BBS9: variants seen among roughly 807,000 people sequenced by gnomAD.
BBS9 encodes the protein Bardet-Biedl syndrome 9.
BBS9 carries 89 observed loss-of-function variants against 117.7 expected under a neutral mutation model. The ratio of observed to expected loss-of-function variants is 0.76; its 90% CI spans 0.64 to 0.90. The LOEUF is 0.90. Among genes scored for constraint, BBS9 ranks in the 40% least tolerant of loss-of-function variants. The pLI is 0.00. For synonymous variants in BBS9, 379 were observed against 370.9 expected (o/e 1.02, Z -0.25); for missense variants, 982 against 1,042.2 (o/e 0.94, Z 0.80).
chr7:33,370,430 A>T (rs370833772), intron 17 of BBS9, among the ~76,000 whole-genome samples: 2 of 152,184 alleles, frequency 1.3e-5, no homozygotes, highest in Non-Finnish European at 2.9e-5. Context: ...AGATTGCACT[A>T]CTGCACTCCA....
chr7:33,272,285 C>T lies in BBS9; in HGVS notation c.703-727C>T, dbSNP rs149054911. 3.2e-3 allele frequency among the ~76,000 whole-genome samples: 493 copies of T among 152,226 alleles called. 3 individuals are homozygous for T. Among genetic ancestry groups the T allele is most frequent in the African/African-American group, 0.011 (457 of 41,546 alleles). ...TACCTGGGTGATAAAATAATCTATACGCCAAACCTCTGTGAAATGAATTTA... is the reference window on the plus strand; with the variant it reads ...TACCTGGGTGATAAAATAATCTATATGCCAAACCTCTGTGAAATGAATTTA... On this transcript the variant is annotated intron_variant, in intron 7 of 22. Coordinates refer to ENST00000242067, the MANE Select transcript of BBS9 (RefSeq NM_198428.3).
chr7:33,384,231 A>C (rs1188997615), intron 18 of BBS9, among the ~76,000 whole-genome samples: 2 of 152,196 alleles, frequency 1.3e-5, no homozygotes, highest in African/African-American at 2.4e-5. Context: ...TTTCTTTTTT[A>C]ACAAGCATAC....
chr7:33,141,528 C>T (rs995712155), intron 1 of BBS9, among the ~76,000 whole-genome samples: 68 of 152,274 alleles, frequency 4.5e-4, no homozygotes, highest in Admixed American at 4.4e-3. Flanking sequence ...CCACTATGCC[C>T]ATCTAATTTT....
At chr7:33,553,112 T>A (rs909483490) in intron 21 of BBS9, among the ~76,000 whole-genome samples, 1 of 152,214 alleles carries the variant, frequency 6.6e-6, no homozygotes, top group African/African-American at 2.4e-5. Flanking sequence ...ACTGGCTGAC[T>A]TATAGCCATT....
chr7:33,423,665 ATTACT>A (rs1292419888), intron 19 of BBS9, among the ~76,000 whole-genome samples: 2 of 152,224 alleles, frequency 1.3e-5, no homozygotes. Flanking sequence ...GCCTGGGATC[ATTACT>A]TTACAAGAAT....
chr7:33,203,853 G>C (rs981530794), intron 5 of BBS9, among the ~76,000 whole-genome samples: 9 of 151,552 alleles, frequency 5.9e-5, no homozygotes, highest in Non-Finnish European at 1.2e-4. Context: ...CTCCCGAATA[G>C]CTGGGATTAC....
chr7:33,327,126 G>A (rs1225172998), intron 9 of BBS9, among the ~76,000 whole-genome samples: 2 of 152,178 alleles, frequency 1.3e-5, no homozygotes, highest in Non-Finnish European at 2.9e-5. Context: ...TTTACCTGCA[G>A]TGGCAAGGTT....
chr7:33,531,109 G>T (rs1161124293), intron 20 of BBS9, among the ~76,000 whole-genome samples: 1 of 152,134 alleles, frequency 6.6e-6, no homozygotes. Flanking sequence ...GCCAGATGTG[G>T]TGACACCCGC....
intron 21 of BBS9, among the ~76,000 whole-genome samples, chr7:33,619,586 C>T (rs1396294362): frequency 1.3e-5 from 2 of 152,078 alleles, no homozygotes; most frequent in African/African-American, 4.8e-5. Context: ...GAACATTACC[C>T]AGGATAGATC....
At chr7:33,307,483 A>C (rs1053110263) in intron 9 of BBS9, among the ~76,000 whole-genome samples, 6 of 151,184 alleles carry the variant, frequency 4.0e-5, no homozygotes, top group Admixed American at 1.3e-4. Context: ...CTTTGCCTTA[A>C]CTATTGCATT....
chr7:33,540,824 C>G (rs1852175653), intron 21 of BBS9, among the ~76,000 whole-genome samples: 1 of 152,164 alleles, frequency 6.6e-6, no homozygotes, highest in Admixed American at 6.5e-5. Context: ...TTTGGATTCT[C>G]TCCCCTCCCA....
intron 4 of BBS9, among the ~76,000 whole-genome samples, chr7:33,160,642 T>A (rs571042170): frequency 1.1e-4 from 17 of 152,274 alleles, no homozygotes; most frequent in African/African-American, 3.6e-4. Flanking sequence ...CTTTCCTGTT[T>A]AGCTTTACTT....
At chr7:33,540,979 G>T (rs1038563254) in intron 21 of BBS9, among the ~76,000 whole-genome samples, 11 of 152,242 alleles carry the variant, frequency 7.2e-5, no homozygotes, top group Non-Finnish European at 7.4e-5. Flanking sequence ...AATGAGACAG[G>T]TTTCCTCATA....
chr7:33,487,626 G>T (rs1843297865), intron 19 of BBS9, among the ~76,000 whole-genome samples: 1 of 152,164 alleles, frequency 6.6e-6, no homozygotes, highest in Admixed American at 6.5e-5. Context: ...CAAGCTTTAG[G>T]CAGGCTTTGC....
chr7:33,307,536 T>G (rs1808276806), intron 9 of BBS9, among the ~76,000 whole-genome samples: 1 of 152,068 alleles, frequency 6.6e-6, no homozygotes, highest in South Asian at 2.1e-4. Flanking sequence ...GTGTGGGAGA[T>G]TGGTTACAGG....
chr7:33,461,922 T>G (rs1427244628), intron 19 of BBS9, among the ~76,000 whole-genome samples: 1 of 151,982 alleles, frequency 6.6e-6, no homozygotes, highest in Non-Finnish European at 1.5e-5. Flanking sequence ...AATTCTGCAG[T>G]TTTTAATTTT....
intron 19 of BBS9, among the ~76,000 whole-genome samples, chr7:33,446,325 G>A (rs1401077785): frequency 6.6e-6 from 1 of 152,138 alleles, no homozygotes; most frequent in South Asian, 2.1e-4. Context: ...TTAGTCCATA[G>A]TATTGCCATT....
chr7:33,398,660 T>C (rs892291737), intron 19 of BBS9, among the ~76,000 whole-genome samples: 1 of 152,212 alleles, frequency 6.6e-6, no homozygotes, highest in Non-Finnish European at 1.5e-5. Flanking sequence ...GAGCCACATG[T>C]ATTATTTTTA....
chr7:33,384,053 G>T (rs1054787276), intron 18 of BBS9, among the ~76,000 whole-genome samples: 1 of 152,150 alleles, frequency 6.6e-6, no homozygotes, highest in African/African-American at 2.4e-5. Context: ...AGCTAACCAT[G>T]TCGTCTGGCC....
Sources: allele counts gnomAD v4.1 joint callset (sites outside exome capture counted in the v4.1 genomes callset), GRCh38; gene constraint gnomAD v4.1.1; transcripts MANE v1.5; gene names NCBI Gene and HGNC (gene_info 2026-07-23, HGNC 2026-07-21).